PDX1: variants seen among roughly 807,000 people sequenced by gnomAD.
PDX1 encodes pancreatic and duodenal homeobox 1.
In PDX1, 7 loss-of-function variants were observed where a neutral mutation model predicts 11.1. The ratio of observed to expected loss-of-function variants is 0.63; its 90% CI spans 0.36 to 1.19. The LOEUF is 1.19. Among genes scored for constraint, PDX1 ranks in the 50% most tolerant of loss-of-function variants. The probability of loss-of-function intolerance (pLI) is 0.02; values close to 1 mark genes in which losing one functional copy is unlikely to be tolerated. For missense variants in PDX1, 449 were observed against 412.1 expected (o/e 1.09, Z -0.78); for synonymous variants, 232 against 196.2 (o/e 1.18, Z -1.53).
intron 1 of PDX1, among the ~76,000 whole-genome samples, chr13:27,920,864 A>G (rs1279420294): frequency 6.6e-6 from 1 of 152,220 alleles, no homozygotes; most frequent in African/African-American, 2.4e-5. Flanking sequence ...GGCTTCGGAC[A>G]CTACAGATCC....
chr13:27,923,363 T>C (rs1957801354), intron 1 of PDX1, among the ~76,000 whole-genome samples: 1 of 152,164 alleles, frequency 6.6e-6, no homozygotes, highest in East Asian at 1.9e-4. Context: ...GGCCCCTGTG[T>C]CTCCCCTCAA....
rs954397231 is a variant in PDX1 at position 27,920,215 on chromosome 13, C to G, written c.77C>G (p.Pro26Arg). ...DPCAFQRGPA[P>R]EFSASPPACL... is the part of the protein sequence containing the mutation. ...TGCGCGTTCCAGCGAGGCCCGGCGC[C>G]GGAGTTCAGCGCCAGCCCCCCTGCG... Residue 26 changes from proline (P) to arginine (R), a missense_variant, in exon 1 of 2, where the codon CCG becomes CGG. Around this residue, in one of 3 missense-constraint regions of PDX1, gnomAD observed 263 missense variants for 212.5 expected, o/e 1.24. Coordinates refer to ENST00000381033, the MANE Select transcript of PDX1 (RefSeq NM_000209.4). The G allele has an allele frequency of 3.9e-6, 6 of 1,549,136 alleles. No individual in the cohort carries two copies. Among genetic ancestry groups the G allele is most frequent in the African/African-American group, 1.4e-5 (1 of 73,112 alleles).
intron 1 of PDX1, 38 bp downstream of exon 1, chr13:27,920,582 C>T (rs1957778586): frequency 6.2e-7 from 1 of 1,606,086 alleles, no homozygotes; most frequent in South Asian, 1.1e-5. Flanking sequence ...CTTTCCGGTT[C>T]TCACCCGGCC....
chr13:27,924,153 G>A lies in PDX1; in HGVS notation c.407-103G>A. 9.9e-7 allele frequency: 1 copy of A among 1,009,006 alleles called. No homozygotes were observed. The highest frequency in any genetic ancestry group is 1.4e-6 in the Non-Finnish European group (1 of 719,010). The allele number at this position is 1,009,006 out of a possible 1,614,324, so 62.5% of individuals were successfully genotyped here. A position where few individuals can be genotyped will look rare whatever the true frequency, so the allele number is the denominator to read the frequency against. The stretch of plus-strand genomic sequence containing the variant: ...CTTGGTGGCTCCGGCGGGAGCAGCT[G>A]GTAGGGCTAGGGCTCCCTGGCCCCC... On this transcript the variant is annotated intron_variant, in intron 1 of 1. Transcript: ENST00000381033. This position sits in a 1 kb window ranked among gnomAD's most constrained non-coding sequence, Gnocchi z 4.8.
chr13:27,920,443 AG>A lies in PDX1; in HGVS notation c.308del (p.Gly103GlufsTer20). On this transcript the variant is annotated frameshift_variant, in exon 1 of 2. Transcript: ENST00000381033. LOFTEE classifies it high-confidence loss of function. ...CACCCGCCCGCCGGGCCCTTCCCGG[AG>A]GGAGCCGAGCCGGGCGTCCTGGAGG... Reference protein sequence around the residue: ...LPHPPAGPFPEGAEPGVLEEP... With the variant: ...LPHPPAGPFPXGAEPGVLEEP... 1 of 1,587,306 alleles carries A rather than the reference AG, an allele frequency of 6.3e-7. No homozygotes were observed. Among genetic ancestry groups the A allele is most frequent in the Non-Finnish European group, 8.6e-7 (1 of 1,167,180 alleles).
At chr13:27,923,786 G>T (rs1226133643) in intron 1 of PDX1, among the ~76,000 whole-genome samples, 1 of 152,210 alleles carries the variant, frequency 6.6e-6, no homozygotes, top group Non-Finnish European at 1.5e-5. Flanking sequence ...GACCTGCAGT[G>T]TCCGTGTGTG....
At chr13:27,922,813 C>T (rs938616377) in intron 1 of PDX1, among the ~76,000 whole-genome samples, 12 of 152,184 alleles carry the variant, frequency 7.9e-5, no homozygotes, top group Non-Finnish European at 1.5e-4. Flanking sequence ...AGAGACATGT[C>T]GGTTTAATGT....
In PDX1 at chr13:27,920,417, C is replaced by T. The variant is rs1418630444; in HGVS notation, c.279C>T (p.Pro93=). The change falls in exon 1 of 2, where the codon CCC becomes CCT. Residue 93 remains proline, a synonymous_variant. Coordinates refer to ENST00000381033, the MANE Select transcript of PDX1 (RefSeq NM_000209.4). ...ACCTCCCGGCTCAGCTCGCGCTCCC[C>T]CACCCGCCCGCCGGGCCCTTCCCGG... ...HHHLPAQLAL[P]HPPAGPFPEG... is the part of the protein sequence containing the mutation. The T allele has an allele frequency of 6.4e-7, 1 of 1,564,212 alleles. No individual in the cohort carries two copies. The highest frequency in any genetic ancestry group is 1.9e-5 in the Admixed American group (1 of 52,542).
Position 27,924,167 on chromosome 13 carries a change from T to C in PDX1, c.407-89T>C, listed in dbSNP as rs1403097320. ...CGGGAGCAGCTGGTAGGGCTAGGGCTCCCTGGCCCCCCTTGAAGGGGTTGG... is the reference window on the plus strand; with the variant it reads ...CGGGAGCAGCTGGTAGGGCTAGGGCCCCCTGGCCCCCCTTGAAGGGGTTGG... On this transcript the variant is annotated intron_variant, in intron 1 of 1. Coordinates refer to ENST00000381033, the MANE Select transcript of PDX1 (RefSeq NM_000209.4). This position sits in a 1 kb window ranked among gnomAD's most constrained non-coding sequence, Gnocchi z 4.8. The C allele has an allele frequency of 4.2e-6, 5 of 1,182,006 alleles. No individual in the cohort carries two copies. Among genetic ancestry groups the C allele is most frequent in the Non-Finnish European group, 5.8e-6 (5 of 866,308 alleles). 73.2% of individuals were successfully genotyped at this position (1,182,006 alleles called of 1,614,324 possible).
Position 27,924,854 on chromosome 13 carries a change from C to G in PDX1, c.*153C>G. ...CTTAGACCGAAGGGGAAAACCCGCT[C>G]TCTCAGGCGCATGTGCCAGTTGGGG... is the stretch of plus-strand genomic sequence containing the variant. On this transcript the variant is annotated 3_prime_UTR_variant, in exon 2 of 2. Transcript: ENST00000381033. The surrounding 1 kb of genome is among the most constrained non-coding windows in gnomAD (Gnocchi z 4.8). The G allele has an allele frequency of 4.9e-6, 3 of 613,526 alleles. No homozygotes were observed. Among genetic ancestry groups the G allele is most frequent in the East Asian group, 3.5e-5 (1 of 28,442 alleles). 38.0% of individuals were successfully genotyped at this position (613,526 alleles called of 1,614,324 possible).
rs1408488074 is a variant in PDX1, at chr13:27,926,245, G to A, written c.*1544G>A. 6.6e-6 allele frequency: 1 copy of A among 152,182 alleles called. No individual in the cohort carries two copies. Among genetic ancestry groups the A allele is most frequent in the Non-Finnish European group, 1.5e-5 (1 of 68,028 alleles). 9.4% of individuals were successfully genotyped at this position (152,182 alleles called of 1,614,324 possible). ...GATGAAAACTGATTCTCCTCACTTT[G>A]TTTCAAACCTTTCTGGCAGTGGGAT... On this transcript the variant is annotated 3_prime_UTR_variant, in exon 2 of 2. Coordinates refer to ENST00000381033, the MANE Select transcript of PDX1 (RefSeq NM_000209.4).
Position 27,920,000 on chromosome 13 carries a change from G to A in PDX1, c.-139G>A, listed in dbSNP as rs908944646. On this transcript the variant is annotated 5_prime_UTR_variant, in exon 1 of 2. Transcript: ENST00000381033. ...TCCGCGCTGGCTGTGGGTTCCCTCT[G>A]AGATCAGTGCGGAGCTGTCAAAGCG... 3.6e-6 allele frequency: 4 copies of A among 1,114,504 alleles called. No individual in the cohort carries two copies. The highest frequency in any genetic ancestry group is 3.9e-6 in the Non-Finnish European group (3 of 768,224). The allele number at this position is 1,114,504 out of a possible 1,614,324, so 69.0% of individuals were successfully genotyped here.
intron 1 of PDX1, 66 bp downstream of exon 1, chr13:27,920,610 TC>T: frequency 6.5e-7 from 1 of 1,536,560 alleles, no homozygotes; most frequent in Non-Finnish European, 9.0e-7. Flanking sequence ...CTCCAAGCGC[TC>T]CCAGGAGCCT....
Position 27,924,209 on chromosome 13 carries a change from C to T in PDX1, c.407-47C>T. The T allele has an allele frequency of 6.7e-7, 1 of 1,482,310 alleles. No individual in the cohort carries two copies. The highest frequency in any genetic ancestry group is 9.0e-7 in the Non-Finnish European group (1 of 1,106,686). The allele number at this position is 1,482,310 out of a possible 1,614,324, so 91.8% of individuals were successfully genotyped here. On this transcript the variant is annotated intron_variant, in intron 1 of 1. Transcript: ENST00000381033. This position sits in a 1 kb window ranked among gnomAD's most constrained non-coding sequence, Gnocchi z 4.8. Reference sequence around the variant, plus strand: ...AGGGGTTGGGCTGCGTGGGTGGGGGCTGTGCGGGGCTCCGGGGGCCACACT... The same window carrying T: ...AGGGGTTGGGCTGCGTGGGTGGGGGTTGTGCGGGGCTCCGGGGGCCACACT...
intron 1 of PDX1, among the ~76,000 whole-genome samples, chr13:27,923,490 A>C (rs1307577622): frequency 1.3e-5 from 2 of 152,246 alleles, no homozygotes; most frequent in Non-Finnish European, 2.9e-5. Flanking sequence ...AGTCCGGCTG[A>C]AGTTAAAACA....
chr13:27,920,438 C>T lies in PDX1; in HGVS notation c.300C>T (p.Phe100=), dbSNP rs752260094. ...LALPHPPAGP[F]PEGAEPGVLE... is the part of the protein sequence containing the mutation. Reference sequence around the variant, plus strand: ...TCCCCCACCCGCCCGCCGGGCCCTTCCCGGAGGGAGCCGAGCCGGGCGTCC... The same window carrying T: ...TCCCCCACCCGCCCGCCGGGCCCTTTCCGGAGGGAGCCGAGCCGGGCGTCC... The change falls in exon 1 of 2, where the codon TTC becomes TTT. Residue 100 remains phenylalanine, a synonymous_variant. Transcript: ENST00000381033. The T allele has an allele frequency of 2.7e-5, 43 of 1,583,544 alleles. No homozygotes were observed. The Middle Eastern group carries it at 5.2e-4, about 19-fold the overall frequency.
rs771050094 is a variant in PDX1, at chr13:27,925,397, TCTC to T, written c.*709_*711del. Reference sequence around the variant, plus strand: ...GCTCTCCTTTCCTCCCCCTCCTCTTTCTCCTCCTCCTCCTCTTCTTCCCCCTCC... The same window carrying T: ...GCTCTCCTTTCCTCCCCCTCCTCTTTCTCCTCCTCCTCTTCTTCCCCCTCC... On this transcript the variant is annotated 3_prime_UTR_variant, in exon 2 of 2. Coordinates refer to ENST00000381033, the MANE Select transcript of PDX1 (RefSeq NM_000209.4). The T allele has an allele frequency of 1.3e-4, 14 of 107,578 alleles. No individual in the cohort carries two copies. The South Asian group carries it at 2.3e-3, about 18-fold the overall frequency. 6.7% of individuals were successfully genotyped at this position (107,578 alleles called of 1,614,324 possible). A position where few individuals can be genotyped will look rare whatever the true frequency, so the allele number is the denominator to read the frequency against.
At chr13:27,922,647 C>G (rs1013015478) in intron 1 of PDX1, among the ~76,000 whole-genome samples, 1 of 152,144 alleles carries the variant, frequency 6.6e-6, no homozygotes, top group Non-Finnish European at 1.5e-5. Flanking sequence ...CCTTTTCCCA[C>G]CATCCTCAAC....
In PDX1 at chr13:27,920,619, C is replaced by A. The variant is rs544041273; in HGVS notation, c.406+75C>A. ...CCTTACCTCCAAGCGCTCCCAGGAG[C>A]CTTCTCTCTGTTCCCGGCGCCTTGG... On this transcript the variant is annotated intron_variant, in intron 1 of 1. Coordinates refer to ENST00000381033, the MANE Select transcript of PDX1 (RefSeq NM_000209.4). 6 of 1,494,822 alleles carry A rather than the reference C, an allele frequency of 4.0e-6. No homozygotes were observed. The Admixed American group carries it at 6.8e-5, about 17-fold the overall frequency. 92.6% of individuals were successfully genotyped at this position (1,494,822 alleles called of 1,614,324 possible).
Sources: allele counts gnomAD v4.1 joint callset (sites outside exome capture counted in the v4.1 genomes callset), GRCh38; gene constraint gnomAD v4.1.1; regional missense constraint gnomAD v4.1.1; non-coding constraint Gnocchi (gnomAD v3.1); transcripts MANE v1.5; gene names NCBI Gene and HGNC (gene_info 2026-07-23, HGNC 2026-07-21).